BIN2: variants seen among roughly 807,000 people sequenced by gnomAD.
The protein encoded by BIN2 is breast cancer associated protein BRAP1.
Under a neutral mutation model 67.9 loss-of-function variants are expected in BIN2, and 43 were observed. The observed-to-expected ratio is 0.63, with a 90% CI of 0.50 to 0.82. The LOEUF is 0.82. Among genes scored for constraint, BIN2 ranks in the 40% least tolerant of loss-of-function variants. The pLI, the probability that BIN2 is intolerant of heterozygous loss-of-function variation, is 0.00. For synonymous variants in BIN2, 244 were observed against 246.8 expected, an observed-to-expected ratio of 0.99 and a Z score of 0.11; for missense variants, 581 against 671.6, an observed-to-expected ratio of 0.87 and a Z score of 1.49.
At chr12:51,294,131 T>C (rs1945467576) in intron 9 of BIN2, among the ~76,000 whole-genome samples, 1 of 152,140 alleles carries the variant, frequency 6.6e-6, no homozygotes, top group African/African-American at 2.4e-5. Context: ...GAAGTAGGCA[T>C]ACAGTAACAA....
chr12:51,289,426 G>A (rs1945327925), intron 10 of BIN2, among the ~76,000 whole-genome samples: 1 of 151,828 alleles, frequency 6.6e-6, no homozygotes, highest in African/African-American at 2.4e-5. Flanking sequence ...ACCAGCCTGG[G>A]CAACATGGCG....
chr12:51,283,067 C>T (rs955489807), intron 12 of BIN2, among the ~76,000 whole-genome samples: 1 of 150,626 alleles, frequency 6.6e-6, no homozygotes, highest in Admixed American at 6.6e-5. Context: ...TCAGCCTGAC[C>T]AACATGGTGA....
Position 51,292,311 on chromosome 12 carries a change from T to C in BIN2, c.795A>G (p.Pro265=). ...SSRRSLVISP[P]VRTATVSSPL... ...GACTGGAGACTGTAGCTGTTCGAAC[T>C]GGGGGAGAAATGACTAAAGAGCGCC... Residue 265 remains proline, a synonymous_variant, in exon 10 of 13, where the codon CCA becomes CCG. Coordinates refer to ENST00000615107, the MANE Select transcript of BIN2 (RefSeq NM_016293.4). 1 of 1,595,046 alleles carries C rather than the reference T, an allele frequency of 6.3e-7. No homozygotes were observed.
chr12:51,308,196 G>A (rs747788814), intron 2 of BIN2, among the ~76,000 whole-genome samples: 1 of 151,976 alleles, frequency 6.6e-6, no homozygotes, highest in African/African-American at 2.4e-5. Flanking sequence ...TTGGGTTCTC[G>A]CTTGTCTGGG....
chr12:51,304,376 A>G (rs1945812767), intron 2 of BIN2: 1 of 152,260 alleles, frequency 6.6e-6, no homozygotes, highest in Non-Finnish European at 1.5e-5. Context: ...AGCCTTTCTC[A>G]CAGGTTTCCT....
upstream of BIN2, chr12:51,324,404 C>T: frequency 3.6e-6 from 5 of 1,378,802 alleles, no homozygotes; most frequent in Non-Finnish European, 4.8e-6. Context: ...AGTGGTGGGC[C>T]CACACTCACT....
chr12:51,315,589 A>G (rs960222080), intron 1 of BIN2, among the ~76,000 whole-genome samples: 12 of 152,182 alleles, frequency 7.9e-5, no homozygotes, highest in African/African-American at 2.9e-4. Flanking sequence ...GTGAGCCCTG[A>G]AGACATTTTT....
chr12:51,303,166 G>A lies in BIN2; in HGVS notation c.163-25C>T, dbSNP rs528398940. The stretch of plus-strand genomic sequence containing the variant: ...CCTGAAAGAGAAAAGTACATTTGGT[G>A]ACTAAAGAGATTAATATTTCAAAAG... On this transcript the variant is annotated intron_variant, in intron 2 of 12. Coordinates refer to ENST00000615107, the MANE Select transcript of BIN2 (RefSeq NM_016293.4). 8.1e-6 allele frequency: 13 copies of A among 1,609,730 alleles called. No homozygotes were observed. In the East Asian group the frequency reaches 2.9e-4, roughly 36 times the overall value.
intron 12 of BIN2, among the ~76,000 whole-genome samples, chr12:51,282,676 G>A (rs1214182872): frequency 6.6e-6 from 1 of 152,066 alleles, no homozygotes; most frequent in Non-Finnish European, 1.5e-5. Flanking sequence ...GCTCACTGCA[G>A]CTTCTTTGTC....
intron 5 of BIN2, among the ~76,000 whole-genome samples, chr12:51,301,572 G>C (rs1945725806): frequency 1.3e-5 from 2 of 152,060 alleles, no homozygotes; most frequent in South Asian, 4.1e-4. Flanking sequence ...ACAGTGGCAT[G>C]ATCTTGGCTC....
At chr12:51,309,475 C>T (rs571210842) in intron 2 of BIN2, among the ~76,000 whole-genome samples, 1 of 152,084 alleles carries the variant, frequency 6.6e-6, no homozygotes, top group East Asian at 1.9e-4. Context: ...ATGTATTTAC[C>T]AAAAAGAGAA....
intron 12 of BIN2, among the ~76,000 whole-genome samples, chr12:51,282,520 A>G (rs1339403199): frequency 3.3e-5 from 5 of 152,238 alleles, no homozygotes; most frequent in East Asian, 1.9e-4. Context: ...AATTATGTAC[A>G]GTACATAACA....
intron 2 of BIN2, among the ~76,000 whole-genome samples, chr12:51,308,013 G>C (rs1945914355): frequency 1.3e-5 from 2 of 151,876 alleles, no homozygotes; most frequent in South Asian, 2.1e-4. Context: ...GTGAGAGTGA[G>C]TGTGTGTGTG....
intron 8 of BIN2, 30 bp from the exon 9 acceptor site, chr12:51,295,908 A>T (rs750466009): frequency 1.9e-6 from 3 of 1,592,324 alleles, no homozygotes; most frequent in Admixed American, 3.4e-5. Flanking sequence ...AGGGGATGCT[A>T]GCCAACTGGG....
chr12:51,314,867 A>G (rs1209404316), intron 1 of BIN2, among the ~76,000 whole-genome samples: 1 of 151,604 alleles, frequency 6.6e-6, no homozygotes, highest in Non-Finnish European at 1.5e-5. Context: ...TCATTATTTT[A>G]TTTGAGACAG....
At chr12:51,299,046 G>C (rs1945645273) in intron 7 of BIN2, among the ~76,000 whole-genome samples, 157 bp downstream of exon 7, 1 of 149,896 alleles carries the variant, frequency 6.7e-6, no homozygotes, top group African/African-American at 2.5e-5. Flanking sequence ...CTGCACTCTA[G>C]CCTGGGTGAC....
intron 1 of BIN2, chr12:51,323,363 C>G (rs1204240096): frequency 6.7e-6 from 1 of 150,202 alleles, no homozygotes; most frequent in Non-Finnish European, 1.5e-5. Context: ...AGTGCCAGTG[C>G]TGGAGCAGGG....
chr12:51,308,365 A>G (rs150585804), intron 2 of BIN2, among the ~76,000 whole-genome samples: 72 of 152,320 alleles, frequency 4.7e-4, no homozygotes, highest in African/African-American at 1.6e-3. Context: ...TGGCATTGCC[A>G]TAAAGAGTCT....
intron 1 of BIN2, among the ~76,000 whole-genome samples, chr12:51,318,416 C>T (rs1038297166): frequency 2.6e-5 from 4 of 152,168 alleles, no homozygotes; most frequent in South Asian, 4.1e-4. Flanking sequence ...TGCCCACCAC[C>T]ACGCCTGGCG....
Sources: gnomAD v4.1 joint callset for allele counts (sites outside exome capture counted in the v4.1 genomes callset) on GRCh38, gnomAD v4.1.1 for gene constraint, MANE v1.5 for transcripts, NCBI Gene and HGNC (gene_info 2026-07-23, HGNC 2026-07-21) for gene names.